RBFOX1: variants seen among roughly 807,000 people sequenced by gnomAD.
The protein encoded by RBFOX1 is RNA binding fox-1 homolog 1.
In RBFOX1, 8 loss-of-function variants were observed where a neutral mutation model predicts 57.7. The ratio of observed to expected loss-of-function variants is 0.14; its 90% CI spans 0.08 to 0.25. The LOEUF (loss-of-function observed/expected upper bound fraction) is 0.25. Ranked by LOEUF, RBFOX1 falls within the 10% of genes least tolerant of loss-of-function variation. RBFOX1 has a pLI of 1.00. For synonymous variants in RBFOX1, 326 were observed against 222.4 expected (o/e 1.47, Z -4.15); for missense variants, 611 against 548.5 (o/e 1.11, Z -1.14).
Position 5,728,690 on chromosome 16 carries a change from C to T in RBFOX1, c.318+129729C>T, listed in dbSNP as rs570438363. Among the ~76,000 whole-genome samples the T allele has an allele frequency of 8.5e-5, 13 of 152,218 alleles. No homozygotes were observed. The South Asian group carries it at 1.7e-3, about 19-fold the overall frequency. ...CTGAGAATATCCTTCTTTGTCTGGCCGCCCCTCCCCTCTCCATGGCTGAGA... is the reference window on the plus strand; with the variant it reads ...CTGAGAATATCCTTCTTTGTCTGGCTGCCCCTCCCCTCTCCATGGCTGAGA... On this transcript the variant is annotated intron_variant, in intron 3 of 19. Coordinates refer to the RBFOX1 transcript ENST00000641259.
intron 7 of RBFOX1, among the ~76,000 whole-genome samples, chr16:7,594,238 T>C (rs1202889307): frequency 1.3e-5 from 2 of 152,058 alleles, no homozygotes; most frequent in Non-Finnish European, 2.9e-5. Flanking sequence ...GACTGGGAGT[T>C]ATCACCAGTT....
At chr16:6,899,015 G>T (rs946169378) in intron 3 of RBFOX1, among the ~76,000 whole-genome samples, 1 of 47,936 alleles carries the variant, frequency 2.1e-5, no homozygotes, top group African/African-American at 2.9e-4. Context: ...ATGCATGCGC[G>T]TCTCTGTGTG....
chr16:6,972,963 A>G (rs558542907), intron 3 of RBFOX1, among the ~76,000 whole-genome samples: 1 of 152,234 alleles, frequency 6.6e-6, no homozygotes, highest in South Asian at 2.1e-4. Flanking sequence ...ATCTCAACTA[A>G]AAATACAAAT....
intron 1 of RBFOX1, among the ~76,000 whole-genome samples, chr16:5,371,430 C>G (rs1335478227): frequency 2.6e-5 from 4 of 152,190 alleles, no homozygotes; most frequent in African/African-American, 9.7e-5. Flanking sequence ...CAGGAGAGGC[C>G]TCAAGAGAAA....
chr16:6,712,931 G>T (rs2345484), intron 3 of RBFOX1, among the ~76,000 whole-genome samples: 59,554 of 131,972 alleles, frequency 0.45, 15,775 homozygotes, highest in Middle Eastern at 0.75. Flanking sequence ...TCATGATAGT[G>T]AATAACTCTC....
At chr16:7,326,358 G>T (rs118149427) in intron 4 of RBFOX1, among the ~76,000 whole-genome samples, 1 of 152,126 alleles carries the variant, frequency 6.6e-6, no homozygotes, top group Non-Finnish European at 1.5e-5. Context: ...GGAAGACCTG[G>T]CATATGACTG....
chr16:6,750,706 C>T (rs550233343), intron 3 of RBFOX1, among the ~76,000 whole-genome samples: 14 of 152,258 alleles, frequency 9.2e-5, no homozygotes, highest in South Asian at 2.1e-4. Context: ...ATTCATTATT[C>T]GTCATTTATT....
In RBFOX1 at chr16:5,506,416, C is replaced by G. The variant is rs143182752; in HGVS notation, c.258+39162C>G. Among the ~76,000 whole-genome samples the G allele has an allele frequency of 6.5e-4, 99 of 152,316 alleles. No individual in the cohort carries two copies. The East Asian group carries it at 0.015, about 23-fold the overall frequency. On this transcript the variant is annotated intron_variant, in intron 2 of 2. Coordinates refer to the RBFOX1 transcript ENST00000585867. ...CTCTAAACCCCAATCCTTTCTTGGTCTAGTCCCAGCCTTCCAAGTTCAGGT... is the reference window on the plus strand; with the variant it reads ...CTCTAAACCCCAATCCTTTCTTGGTGTAGTCCCAGCCTTCCAAGTTCAGGT...
In RBFOX1 at chr16:6,863,033, C is replaced by G. The variant is rs140884063; in HGVS notation, c.-15-189024C>G. 5.8e-3 allele frequency among the ~76,000 whole-genome samples: 874 copies of G among 151,118 alleles called. 8 individuals carry two copies. Among genetic ancestry groups the G allele is most frequent in the African/African-American group, 0.02 (812 of 41,200 alleles). ...CGCAGCTGATTTTTGAAGGAATTTG[C>G]AGAGTCCTTCTAAGGTGTTTGGTAC... On this transcript the variant is annotated intron_variant, in intron 3 of 15. Coordinates refer to ENST00000550418, the MANE Select transcript of RBFOX1 (RefSeq NM_018723.4).
chr16:7,298,292 T>G (rs201087818), intron 4 of RBFOX1, among the ~76,000 whole-genome samples: 2,617 of 145,682 alleles, frequency 0.018, 58 homozygotes, highest in East Asian at 0.095. Context: ...TTTGTTTTTT[T>G]TTTTTTTTTT....
At chr16:7,094,454 C>T (rs1423470297) in intron 4 of RBFOX1, among the ~76,000 whole-genome samples, 1 of 152,044 alleles carries the variant, frequency 6.6e-6, no homozygotes, top group Non-Finnish European at 1.5e-5. Flanking sequence ...GATTTGGAGA[C>T]ATGCAATGCT....
chr16:6,389,693 A>G (rs2092494633), intron 2 of RBFOX1, among the ~76,000 whole-genome samples: 1 of 152,196 alleles, frequency 6.6e-6, no homozygotes, highest in South Asian at 2.1e-4. Flanking sequence ...GTGCTAATCA[A>G]TGACGAACCT....
intron 3 of RBFOX1, among the ~76,000 whole-genome samples, chr16:5,616,747 C>G (rs915445771): frequency 1.4e-5 from 2 of 143,864 alleles, no homozygotes; most frequent in Middle Eastern, 3.5e-3. Context: ...CCTGTCCCTT[C>G]TCCCTCTCCT....
intron 1 of RBFOX1, among the ~76,000 whole-genome samples, chr16:5,384,762 T>C (rs1271999165): frequency 6.6e-6 from 1 of 152,196 alleles, no homozygotes; most frequent in African/African-American, 2.4e-5. Flanking sequence ...GACTAGAGAC[T>C]CTAGGGCCAG....
chr16:6,558,473 T>G (rs534367493), intron 2 of RBFOX1, among the ~76,000 whole-genome samples: 1 of 152,258 alleles, frequency 6.6e-6, no homozygotes, highest in Admixed American at 6.5e-5. Flanking sequence ...CTTTTTGAAC[T>G]GTATGACTTG....
intron 1 of RBFOX1, among the ~76,000 whole-genome samples, chr16:5,416,159 C>T (rs1207213410): frequency 6.6e-6 from 1 of 152,178 alleles, no homozygotes; most frequent in Non-Finnish European, 1.5e-5. Context: ...CTTTGTTTCA[C>T]ATCTCATTTA....
chr16:6,901,794 AG>A (rs773301247), intron 3 of RBFOX1, among the ~76,000 whole-genome samples: 5 of 152,210 alleles, frequency 3.3e-5, no homozygotes, highest in African/African-American at 7.2e-5. Flanking sequence ...TTGAGAAGGA[AG>A]AGACATAATA....
intron 4 of RBFOX1, among the ~76,000 whole-genome samples, chr16:7,225,401 G>C (rs951676569): frequency 6.6e-6 from 1 of 152,000 alleles, no homozygotes; most frequent in African/African-American, 2.4e-5. Context: ...TTCCCTCTAC[G>C]GTTGGTTCTC....
chr16:5,842,244 C>A (rs1177828765), intron 3 of RBFOX1, among the ~76,000 whole-genome samples: 1 of 152,106 alleles, frequency 6.6e-6, no homozygotes, highest in Non-Finnish European at 1.5e-5. Flanking sequence ...GATGATTTTC[C>A]TAGTGAGATG....
Sources: allele counts gnomAD v4.1 joint callset (sites outside exome capture counted in the v4.1 genomes callset), GRCh38; gene constraint gnomAD v4.1.1; transcripts MANE v1.5; gene names NCBI Gene and HGNC (gene_info 2026-07-23, HGNC 2026-07-21).